The following GPATCH2 variants were observed in gnomAD, a reference collection of about 807,000 sequenced individuals.
GPATCH2 encodes the protein G-patch domain containing 2.
GPATCH2 carries 51 observed loss-of-function variants against 58.0 expected under a neutral mutation model. That is an observed-to-expected ratio of 0.88 (90% CI 0.70 to 1.11). The LOEUF (loss-of-function observed/expected upper bound fraction) is 1.11. GPATCH2 is among the 50% of genes most tolerant of loss of function. The probability of loss-of-function intolerance (pLI) is 0.00; values close to 1 mark genes in which losing one functional copy is unlikely to be tolerated. For missense variants in GPATCH2, 625 were observed against 652.2 expected (o/e 0.96, Z 0.45); for synonymous variants, 222 against 218.5 (o/e 1.02, Z -0.14).
intron 2 of GPATCH2, among the ~76,000 whole-genome samples, chr1:217,617,980 A>G (rs1263120514): frequency 1.3e-5 from 2 of 151,988 alleles, no homozygotes; most frequent in African/African-American, 4.8e-5. Flanking sequence ...AAAGGGGGGG[A>G]GCTTGCACAA....
chr1:217,493,043 C>G (rs1158464769), intron 7 of GPATCH2, among the ~76,000 whole-genome samples: 1 of 152,152 alleles, frequency 6.6e-6, no homozygotes, highest in African/African-American at 2.4e-5. Context: ...AACGTCTGAA[C>G]TAAATAAGTA....
chr1:217,577,654 C>G (rs1029772137), intron 5 of GPATCH2, among the ~76,000 whole-genome samples: 10 of 152,250 alleles, frequency 6.6e-5, no homozygotes, highest in Admixed American at 3.3e-4. Context: ...TCCTGAGGTA[C>G]TAACAGGTCA....
At chr1:217,543,953 A>G (rs1039776245) in intron 5 of GPATCH2, among the ~76,000 whole-genome samples, 2 of 152,220 alleles carry the variant, frequency 1.3e-5, no homozygotes, top group African/African-American at 2.4e-5. Context: ...TTGCTTCTGT[A>G]ATGTGAATGG....
At chr1:217,610,100 C>T in intron 5 of GPATCH2, 2 of 1,533,874 alleles carry the variant, frequency 1.3e-6, no homozygotes, top group Non-Finnish European at 1.8e-6. Flanking sequence ...CAGGTTCCCT[C>T]GAATGTCATT....
chr1:217,565,550 T>C (rs903564390), intron 5 of GPATCH2, among the ~76,000 whole-genome samples: 1 of 152,214 alleles, frequency 6.6e-6, no homozygotes, highest in African/African-American at 2.4e-5. Flanking sequence ...AAAACATACA[T>C]ATGCATGCAT....
chr1:217,456,940 A>G (rs149144037), intron 8 of GPATCH2, among the ~76,000 whole-genome samples: 130 of 152,308 alleles, frequency 8.5e-4, no homozygotes, highest in African/African-American at 3.0e-3. Context: ...GCAACAAAAT[A>G]CTGATGATAA....
chr1:217,571,711 AAAAAAAAAAC>A (rs1398517288), intron 5 of GPATCH2, among the ~76,000 whole-genome samples: 2 of 148,512 alleles, frequency 1.3e-5, no homozygotes, highest in East Asian at 2.0e-4. Flanking sequence ...ACCAAAAAAA[AAAAAAAAAAC>A]AAAAAAGAAG....
chr1:217,516,470 CAT>C (rs1429238458), intron 5 of GPATCH2, among the ~76,000 whole-genome samples: 2 of 152,170 alleles, frequency 1.3e-5, no homozygotes, highest in Admixed American at 1.3e-4. Flanking sequence ...CACAGGTAAA[CAT>C]GTGGCTCAAC....
chr1:217,432,386 C>T (rs1162042507), intron 9 of GPATCH2, among the ~76,000 whole-genome samples: 2 of 151,704 alleles, frequency 1.3e-5, no homozygotes, highest in African/African-American at 2.4e-5. Flanking sequence ...ATATTTTGTT[C>T]TAGGGAAAAA....
At chr1:217,555,651 A>G (rs187478768) in intron 5 of GPATCH2, among the ~76,000 whole-genome samples, 45 of 152,328 alleles carry the variant, frequency 3.0e-4, no homozygotes, top group Admixed American at 2.7e-3. Flanking sequence ...CAACATCTCA[A>G]CCAAGTATTC....
intron 5 of GPATCH2, among the ~76,000 whole-genome samples, chr1:217,574,680 A>G (rs1225331731): frequency 6.6e-6 from 1 of 152,228 alleles, no homozygotes; most frequent in East Asian, 1.9e-4. Context: ...CTCTTCTCCC[A>G]TAAACTTTTC....
At chr1:217,622,566 CG>C (rs1289344919) in intron 1 of GPATCH2, among the ~76,000 whole-genome samples, 23 of 152,220 alleles carry the variant, frequency 1.5e-4, no homozygotes, top group African/African-American at 5.5e-4. Flanking sequence ...TTGTTTGAGA[CG>C]GAGTCTCGCT....
chr1:217,474,557 C>A (rs1660887862), intron 8 of GPATCH2, among the ~76,000 whole-genome samples: 1 of 152,154 alleles, frequency 6.6e-6, no homozygotes, highest in African/African-American at 2.4e-5. Context: ...CCTGAAAACT[C>A]CCCTGAGGAG....
At chr1:217,506,280 A>G (rs1339691738) in intron 6 of GPATCH2, among the ~76,000 whole-genome samples, 1 of 152,154 alleles carries the variant, frequency 6.6e-6, no homozygotes, top group African/African-American at 2.4e-5. Context: ...GAAATGGTAT[A>G]CAGTCTTCTA....
chr1:217,535,628 G>A lies in GPATCH2; in HGVS notation c.1099-20739C>T, dbSNP rs774231674. 2.4e-4 allele frequency among the ~76,000 whole-genome samples: 36 copies of A among 152,218 alleles called. 1 individual carries two copies. Among genetic ancestry groups the A allele is most frequent in the Non-Finnish European group, 4.6e-4 (31 of 68,042 alleles). On this transcript the variant is annotated intron_variant, in intron 5 of 9. Coordinates refer to ENST00000366935, the MANE Select transcript of GPATCH2 (RefSeq NM_018040.5). The stretch of plus-strand genomic sequence containing the variant: ...GGCCTCCCAAAATGCTGGGATTACA[G>A]GCGTGAGCCACTGCGCCCGGCCAAG...
intron 5 of GPATCH2, among the ~76,000 whole-genome samples, chr1:217,558,484 T>C (rs185928743): frequency 9.2e-5 from 14 of 152,274 alleles, no homozygotes; most frequent in African/African-American, 3.4e-4. Context: ...ACTACATGCA[T>C]CCAACTGATT....
intron 5 of GPATCH2, among the ~76,000 whole-genome samples, chr1:217,516,323 C>T (rs1399092687): frequency 9.2e-5 from 14 of 152,066 alleles, no homozygotes; most frequent in Admixed American, 9.2e-4. Flanking sequence ...TAAAAAAACC[C>T]TAACATTTTC....
chr1:217,449,588 C>T (rs560506409), intron 8 of GPATCH2, among the ~76,000 whole-genome samples: 1 of 152,258 alleles, frequency 6.6e-6, no homozygotes, highest in African/African-American at 2.4e-5. Flanking sequence ...TCAAAACTGG[C>T]AATCTTTCTG....
At chr1:217,562,206 T>A (rs983209108) in intron 5 of GPATCH2, among the ~76,000 whole-genome samples, 1 of 152,192 alleles carries the variant, frequency 6.6e-6, no homozygotes, top group Non-Finnish European at 1.5e-5. Flanking sequence ...CTCCCTTTTT[T>A]AAAACACAGC....
Sources: gnomAD v4.1 joint callset for allele counts (sites outside exome capture counted in the v4.1 genomes callset) on GRCh38, gnomAD v4.1.1 for gene constraint, MANE v1.5 for transcripts, NCBI Gene and HGNC (gene_info 2026-07-23, HGNC 2026-07-21) for gene names.